The following CCDC149 variants were observed in gnomAD, a reference collection of about 807,000 sequenced individuals.
The protein encoded by CCDC149 is coiled-coil domain-containing protein 149.
Under a neutral mutation model 59.9 loss-of-function variants are expected in CCDC149, and 45 were observed. That is an observed-to-expected ratio of 0.75 (90% CI 0.59 to 0.96). CCDC149 has a LOEUF of 0.96. Among genes scored for constraint, CCDC149 ranks in the 40% least tolerant of loss-of-function variants. CCDC149 has a pLI of 0.00. For synonymous variants in CCDC149, 245 were observed against 260.6 expected, an observed-to-expected ratio of 0.94 and a Z score of 0.58; for missense variants, 584 against 664.7, an observed-to-expected ratio of 0.88 and a Z score of 1.33.
At chr4:24,970,241 C>T (rs571772317) in intron 1 of CCDC149, among the ~76,000 whole-genome samples, 2 of 152,320 alleles carry the variant, frequency 1.3e-5, no homozygotes, top group African/African-American at 4.8e-5. Context: ...CTGAGATGAC[C>T]GGTGTTTCCA....
intron 1 of CCDC149, among the ~76,000 whole-genome samples, chr4:24,891,200 C>T (rs763218489): frequency 3.3e-5 from 5 of 151,848 alleles, no homozygotes; most frequent in Non-Finnish European, 7.4e-5. Context: ...ACTCAGCCCC[C>T]CCAGCAAAAA....
downstream of CCDC149, among the ~76,000 whole-genome samples, chr4:24,804,848 G>A (rs1187835055): frequency 6.6e-6 from 1 of 152,182 alleles, no homozygotes; most frequent in Non-Finnish European, 1.5e-5. Context: ...CACAGAAGAG[G>A]AGCAACGATG....
chr4:24,891,777 T>A (rs1446144559), intron 1 of CCDC149, among the ~76,000 whole-genome samples: 1 of 152,148 alleles, frequency 6.6e-6, no homozygotes, highest in Non-Finnish European at 1.5e-5. Flanking sequence ...GGCAGGAGGA[T>A]TGCTTGAGCC....
At chr4:24,932,604 A>T (rs953209299) in intron 1 of CCDC149, among the ~76,000 whole-genome samples, 2 of 152,180 alleles carry the variant, frequency 1.3e-5, no homozygotes, top group African/African-American at 4.8e-5. Context: ...ATAAATCCAG[A>T]TCCCCAGAGA....
At chr4:24,832,346 A>C (rs1400810689) in intron 8 of CCDC149, among the ~76,000 whole-genome samples, 1 of 152,262 alleles carries the variant, frequency 6.6e-6, no homozygotes, top group Non-Finnish European at 1.5e-5. Flanking sequence ...AAGATAGGGC[A>C]AAAAGGTATA....
chr4:24,827,606 G>C (rs1715848398), intron 9 of CCDC149: 1 of 152,250 alleles, frequency 6.6e-6, no homozygotes, highest in Non-Finnish European at 1.5e-5. Flanking sequence ...CGGTTTGAAA[G>C]ATAAATGAAC....
chr4:24,863,173 G>T (rs1427220517), intron 3 of CCDC149, among the ~76,000 whole-genome samples: 1 of 152,070 alleles, frequency 6.6e-6, no homozygotes, highest in African/African-American at 2.4e-5. Flanking sequence ...TGCACCCGTA[G>T]TCCCAGCTAC....
At chr4:24,875,136 A>G (rs1719330473) in intron 2 of CCDC149, among the ~76,000 whole-genome samples, 1 of 152,044 alleles carries the variant, frequency 6.6e-6, no homozygotes, top group Non-Finnish European at 1.5e-5. Context: ...GTGAAACCCC[A>G]TCTCTACTAA....
At chr4:24,864,758 C>T (rs991823165) in intron 3 of CCDC149, among the ~76,000 whole-genome samples, 1 of 152,220 alleles carries the variant, frequency 6.6e-6, no homozygotes, top group South Asian at 2.1e-4. Context: ...TTACTAAATA[C>T]AGTTGATCCT....
intron 1 of CCDC149, among the ~76,000 whole-genome samples, chr4:24,908,211 G>A (rs1527356): frequency 0.93 from 141,071 of 152,218 alleles, 65,981 homozygotes; most frequent in Non-Finnish European, 1. Flanking sequence ...ACATCAGCCA[G>A]TAAATTGCCT....
chr4:24,822,451 A>C, intron 10 of CCDC149, 46 bp downstream of exon 10: 1 of 1,327,454 alleles, frequency 7.5e-7, no homozygotes, highest in South Asian at 1.5e-5. Flanking sequence ...TTCTTAAAAA[A>C]AAGAAAAAAA....
At position 24,888,962 on chromosome 4, in the gene CCDC149, T is replaced by C. The variant is rs114147736; in HGVS notation, c.64-12265A>G. On this transcript the variant is annotated intron_variant, in intron 1 of 12. Coordinates refer to ENST00000635206, the MANE Select transcript of CCDC149 (RefSeq NM_001330643.2). The stretch of plus-strand genomic sequence containing the variant: ...CTTTCTCAGACTCACCATGCCGTTT[T>C]CCCCCTCTCCGGTATTACTTTTGAC... Among the ~76,000 whole-genome samples, 437 of 152,176 alleles carry C rather than the reference T, an allele frequency of 2.9e-3. 4 individuals are homozygous for C. Among genetic ancestry groups the C allele is most frequent in the African/African-American group, 0.01 (416 of 41,502 alleles).
chr4:24,812,998 T>C (rs938210606), intron 12 of CCDC149, among the ~76,000 whole-genome samples: 10 of 152,272 alleles, frequency 6.6e-5, no homozygotes, highest in Non-Finnish European at 1.2e-4. Context: ...TGCTGTAGAC[T>C]GAATGCTTGT....
chr4:24,937,610 G>A lies in CCDC149; in HGVS notation c.-65+42459C>T, dbSNP rs190760442. On this transcript the variant is annotated intron_variant, in intron 1 of 12. Coordinates refer to the CCDC149 transcript ENST00000389609. ...TCAGAGATTCAGGCTGTTAAAGATCGTACTGGTTGTATTGCCATAGTTGAT... is the reference window on the plus strand; with the variant it reads ...TCAGAGATTCAGGCTGTTAAAGATCATACTGGTTGTATTGCCATAGTTGAT... 5.3e-5 allele frequency among the ~76,000 whole-genome samples: 8 copies of A among 152,294 alleles called. No homozygotes were observed. In the East Asian group the frequency reaches 7.7e-4, roughly 15 times the overall value.
intron 9 of CCDC149, among the ~76,000 whole-genome samples, chr4:24,826,465 G>A (rs1359747063): frequency 1.3e-5 from 2 of 152,170 alleles, no homozygotes; most frequent in Admixed American, 6.5e-5. Context: ...GGAGGGAGAT[G>A]AGCTTGAGAT....
intron 8 of CCDC149, 57 bp from the exon 9 acceptor site, chr4:24,831,707 C>T: frequency 2.0e-6 from 3 of 1,502,250 alleles, no homozygotes; most frequent in Non-Finnish European, 2.7e-6. Context: ...CGCTGGAATG[C>T]AAACCAATGT....
chr4:24,899,755 G>T (rs535788311), intron 1 of CCDC149, among the ~76,000 whole-genome samples: 1 of 152,194 alleles, frequency 6.6e-6, no homozygotes, highest in African/African-American at 2.4e-5. Context: ...ACTCAAAGGA[G>T]ACTATTGTGC....
At chr4:24,864,261 A>G (rs1718559476) in intron 3 of CCDC149, among the ~76,000 whole-genome samples, 1 of 152,250 alleles carries the variant, frequency 6.6e-6, no homozygotes, top group Non-Finnish European at 1.5e-5. Context: ...GTTAGGTATC[A>G]TTAAATAATC....
At chr4:24,918,540 C>G (rs1191081913) in intron 1 of CCDC149, among the ~76,000 whole-genome samples, 1 of 152,200 alleles carries the variant, frequency 6.6e-6, no homozygotes, top group Non-Finnish European at 1.5e-5. Flanking sequence ...AATTGCCTCC[C>G]TGGGCCAGGC....
Sources: gnomAD v4.1 joint callset for allele counts (sites outside exome capture counted in the v4.1 genomes callset) on GRCh38, gnomAD v4.1.1 for gene constraint, MANE v1.5 for transcripts, NCBI Gene and HGNC (gene_info 2026-07-23, HGNC 2026-07-21) for gene names.